CADM2: variants seen among roughly 807,000 people sequenced by gnomAD.
The protein encoded by CADM2 is cell adhesion molecule 2.
CADM2 carries 12 observed loss-of-function variants against 49.8 expected under a neutral mutation model. The ratio of observed to expected loss-of-function variants is 0.24; its 90% CI spans 0.15 to 0.39. The LOEUF (loss-of-function observed/expected upper bound fraction) is 0.39, where lower values mean the gene tolerates loss of function less well. CADM2 is among the 10% of genes least tolerant of loss of function. The pLI, the probability that CADM2 is intolerant of heterozygous loss-of-function variation, is 1.00. For missense variants in CADM2, 378 were observed against 492.3 expected (o/e 0.77, Z 2.20); for synonymous variants, 214 against 175.4 (o/e 1.22, Z -1.74).
intron 2 of CADM2, among the ~76,000 whole-genome samples, chr3:85,740,113 A>G (rs1310121165): frequency 1.3e-5 from 2 of 152,214 alleles, no homozygotes; most frequent in Non-Finnish European, 1.5e-5. Flanking sequence ...AATTAATTAC[A>G]TAGACATTCT....
At position 85,905,312 on chromosome 3, in the gene CADM2, A is replaced by G. The variant is rs547343173; in HGVS notation, c.530-7061A>G. On this transcript the variant is annotated intron_variant, in intron 5 of 9. Coordinates refer to ENST00000383699, the MANE Select transcript of CADM2 (RefSeq NM_001167675.2). ...TCTGTCTAATTCCAAATATTTTGTC[A>G]TATCCCTCTAGATTTTGTATTCTTC... Among the ~76,000 whole-genome samples the G allele has an allele frequency of 3.3e-5, 5 of 152,292 alleles. No homozygotes were observed. In the South Asian group the frequency reaches 1.0e-3, roughly 32 times the overall value.
intron 1 of CADM2, among the ~76,000 whole-genome samples, chr3:84,997,425 T>G (rs1296624726): frequency 3.3e-5 from 5 of 152,080 alleles, no homozygotes; most frequent in Non-Finnish European, 7.4e-5. Context: ...GAATTATGTT[T>G]CCTTTTGAAA....
intron 1 of CADM2, among the ~76,000 whole-genome samples, chr3:85,714,677 G>A (rs1035643463): frequency 2.0e-5 from 3 of 152,084 alleles, no homozygotes; most frequent in Admixed American, 6.5e-5. Context: ...TGATCCGCCC[G>A]CCTCAGCCTC....
intron 1 of CADM2, among the ~76,000 whole-genome samples, chr3:85,025,653 C>T (rs1439197367): frequency 2.0e-5 from 3 of 152,074 alleles, no homozygotes; most frequent in African/African-American, 4.8e-5. Flanking sequence ...CGCATTAGAG[C>T]TTATAAAGCA....
intron 1 of CADM2, among the ~76,000 whole-genome samples, chr3:85,129,692 C>T (rs1234969396): frequency 1.3e-5 from 2 of 152,188 alleles, no homozygotes; most frequent in Admixed American, 1.3e-4. Context: ...TAATAATTCC[C>T]TCCACCAGAT....
intron 1 of CADM2, among the ~76,000 whole-genome samples, chr3:85,509,503 A>G (rs2040514146): frequency 6.6e-6 from 1 of 152,136 alleles, no homozygotes; most frequent in South Asian, 2.1e-4. Flanking sequence ...TATACACACA[A>G]TTAAATGACA....
At chr3:85,118,315 A>G (rs1268582394) in intron 1 of CADM2, among the ~76,000 whole-genome samples, 2 of 152,166 alleles carry the variant, frequency 1.3e-5, no homozygotes, top group Non-Finnish European at 2.9e-5. Context: ...ATTAACAATG[A>G]GTATCTTCAA....
chr3:85,310,695 T>C (rs2044320171), intron 1 of CADM2, among the ~76,000 whole-genome samples: 1 of 152,174 alleles, frequency 6.6e-6, no homozygotes, highest in Non-Finnish European at 1.5e-5. Flanking sequence ...TTGCTCACCT[T>C]CTAAAATAGA....
At chr3:85,844,321 G>T (rs1381711824) in intron 3 of CADM2, among the ~76,000 whole-genome samples, 5 of 151,864 alleles carry the variant, frequency 3.3e-5, no homozygotes, top group Non-Finnish European at 7.4e-5. Context: ...TGAATTTTTT[G>T]TTATAATATT....
intron 8 of CADM2, among the ~76,000 whole-genome samples, chr3:85,999,093 A>G (rs1436484948): frequency 6.6e-6 from 1 of 152,190 alleles, no homozygotes; most frequent in Admixed American, 6.5e-5. Flanking sequence ...CCAAGTGAAG[A>G]TATCTAATTA....
chr3:85,243,402 T>C (rs1333107498), intron 1 of CADM2, among the ~76,000 whole-genome samples: 1 of 152,054 alleles, frequency 6.6e-6, no homozygotes, highest in Non-Finnish European at 1.5e-5. Context: ...ATGTAAGTTA[T>C]ACTGCTTATC....
chr3:85,426,376 A>G (rs181851219), intron 1 of CADM2, among the ~76,000 whole-genome samples: 82 of 152,092 alleles, frequency 5.4e-4, no homozygotes, highest in Middle Eastern at 3.4e-3. Flanking sequence ...AAGAGACCCT[A>G]CTGCCTCTGC....
intron 2 of CADM2, among the ~76,000 whole-genome samples, chr3:85,776,746 T>A (rs1406252706): frequency 6.6e-6 from 1 of 152,156 alleles, no homozygotes; most frequent in Non-Finnish European, 1.5e-5. Context: ...AAATATTAGA[T>A]TTCTAATGCC....
intron 1 of CADM2, among the ~76,000 whole-genome samples, chr3:85,297,072 G>A (rs987054862): frequency 1.1e-4 from 16 of 151,922 alleles, no homozygotes; most frequent in Non-Finnish European, 2.9e-5. Flanking sequence ...ATAAATCTTT[G>A]TATACTCCAC....
intron 1 of CADM2, among the ~76,000 whole-genome samples, chr3:85,189,965 T>A (rs1358003785): frequency 6.7e-6 from 1 of 149,808 alleles, no homozygotes; most frequent in African/African-American, 2.5e-5. Context: ...TTTTTTTTTT[T>A]TTTTTTTTTT....
At chr3:85,364,190 G>T (rs1012041956) in intron 1 of CADM2, among the ~76,000 whole-genome samples, 8 of 152,092 alleles carry the variant, frequency 5.3e-5, no homozygotes, top group Admixed American at 4.6e-4. Flanking sequence ...ATGGCTAAAT[G>T]AATGGTTTTT....
chr3:85,424,081 G>T (rs1445714612), intron 1 of CADM2, among the ~76,000 whole-genome samples: 1 of 151,996 alleles, frequency 6.6e-6, no homozygotes, highest in Non-Finnish European at 1.5e-5. Flanking sequence ...ATAGTTGAAG[G>T]TGTAAAATAT....
At chr3:85,411,276 T>C (rs1264777293) in intron 1 of CADM2, among the ~76,000 whole-genome samples, 1 of 152,170 alleles carries the variant, frequency 6.6e-6, no homozygotes, top group African/African-American at 2.4e-5. Flanking sequence ...TAGAGAAAGA[T>C]GGATTTGTAC....
At chr3:85,027,446 G>A (rs1308853814) in intron 1 of CADM2, among the ~76,000 whole-genome samples, 1 of 151,866 alleles carries the variant, frequency 6.6e-6, no homozygotes, top group East Asian at 1.9e-4. Context: ...TATGTAAGTA[G>A]TTAGAATAAC....
Sources: gnomAD v4.1 joint callset for allele counts (sites outside exome capture counted in the v4.1 genomes callset) on GRCh38, gnomAD v4.1.1 for gene constraint, MANE v1.5 for transcripts, NCBI Gene and HGNC (gene_info 2026-07-23, HGNC 2026-07-21) for gene names.